Variants in RELN observed in about 807,000 individuals in gnomAD.
The protein encoded by RELN is reelin.
In RELN, 108 loss-of-function variants were observed where a neutral mutation model predicts 427.6. The observed-to-expected ratio is 0.25, with a 90% CI of 0.22 to 0.30. The LOEUF (loss-of-function observed/expected upper bound fraction) is 0.30, where lower values mean the gene tolerates loss of function less well. RELN is among the 10% of genes least tolerant of loss of function. The probability of loss-of-function intolerance (pLI) is 1.00; values close to 1 mark genes in which losing one functional copy is unlikely to be tolerated. For synonymous variants in RELN, 1,524 were observed against 1,513.4 expected, an observed-to-expected ratio of 1.01 and a Z score of -0.16; for missense variants, 3,715 against 4,302.8, an observed-to-expected ratio of 0.86 and a Z score of 3.82.
At position 103,573,531 on chromosome 7, in the gene RELN, C is replaced by T. The variant is rs1830930514; in HGVS notation, c.4511+561G>A. Among the ~76,000 whole-genome samples the T allele has an allele frequency of 6.6e-6, 1 of 152,200 alleles. No homozygotes were observed. The highest frequency in any genetic ancestry group is 1.5e-5 in the Non-Finnish European group (1 of 68,026). On this transcript the variant is annotated intron_variant, in intron 30 of 64. Transcript: ENST00000428762. This position sits in a 1 kb window ranked among gnomAD's most constrained non-coding sequence, Gnocchi z 4.4. ...GAGGTCTAAAAATTTTAAACATTTTCTCTATTTCCTTTCTTCCACTTCTCA... is the reference window on the plus strand; with the variant it reads ...GAGGTCTAAAAATTTTAAACATTTTTTCTATTTCCTTTCTTCCACTTCTCA...
At chr7:103,684,436 C>T (rs560823235) in intron 10 of RELN, among the ~76,000 whole-genome samples, 4 of 152,276 alleles carry the variant, frequency 2.6e-5, no homozygotes, top group African/African-American at 9.6e-5. Context: ...TGGGAATCCA[C>T]GGCTTCCTTG....
chr7:103,491,856 T>TCTCTCTCACACACA (rs57217576), intron 58 of RELN, 97 bp downstream of exon 58: 84 of 288,636 alleles, frequency 2.9e-4, no homozygotes, highest in African/African-American at 6.5e-4. Context: ...TCTCTCTCTC[T>TCTCTCTCACACACA]CACACACACA....
At position 103,522,073 on chromosome 7, in the gene RELN, C is replaced by T; in HGVS notation, c.7617G>A (p.Leu2539=). 6.2e-7 allele frequency: 1 copy of T among 1,614,148 alleles called. No homozygotes were observed. The highest frequency in any genetic ancestry group is 1.7e-5 in the Admixed American group (1 of 60,032). ...QNWLTVNGGK[L]STVCGAVASG... is the part of the protein sequence containing the mutation. ...ACGCCACGGCTCCACACACTGTACT[C>T]AATTTCCCTCCGTTCACAGTCAGCC... Residue 2539 remains leucine, a synonymous_variant, in exon 48 of 65, where the codon TTG becomes TTA. Coordinates refer to ENST00000428762, the MANE Select transcript of RELN (RefSeq NM_005045.4).
intron 3 of RELN, among the ~76,000 whole-genome samples, chr7:103,787,608 C>T (rs1792050898): frequency 6.6e-6 from 1 of 152,176 alleles, no homozygotes; most frequent in African/African-American, 2.4e-5. Context: ...TTCCTAGACA[C>T]ATACACACTC....
intron 2 of RELN, among the ~76,000 whole-genome samples, chr7:103,895,293 A>G (rs974799853): frequency 6.6e-6 from 1 of 151,924 alleles, no homozygotes; most frequent in African/African-American, 2.4e-5. Context: ...TTGACTTGTA[A>G]CAGGAAAAAA....
At position 103,489,875 on chromosome 7, in the gene RELN, C is replaced by T; in HGVS notation, c.9630G>A (p.Gln3210=). 6.2e-7 allele frequency: 1 copy of T among 1,614,206 alleles called. No individual in the cohort carries two copies. Among genetic ancestry groups the T allele is most frequent in the Non-Finnish European group, 8.5e-7 (1 of 1,180,044 alleles). Reference sequence around the variant, plus strand: ...TTTGCTTCTCAGTTTCTTCTCCCTTCTGGATCCAGCGGAACTGTGTTGCAC... The same window carrying T: ...TTTGCTTCTCAGTTTCTTCTCCCTTTTGGATCCAGCGGAACTGTGTTGCAC... The part of the protein sequence containing the change: ...SSSATQFRWI[Q]KGEETEKQSW... The change falls in exon 60 of 65, where the codon CAG becomes CAA. Residue 3210 remains glutamine, a synonymous_variant. Coordinates refer to ENST00000428762, the MANE Select transcript of RELN (RefSeq NM_005045.4).
intron 41 of RELN, among the ~76,000 whole-genome samples, chr7:103,547,485 T>G (rs528282986): frequency 6.6e-6 from 1 of 152,178 alleles, no homozygotes; most frequent in Admixed American, 6.5e-5. Flanking sequence ...TTAATAGAGA[T>G]AGGGTTTCAT....
At chr7:103,488,430 C>G (rs995105067) in intron 60 of RELN, among the ~76,000 whole-genome samples, 2 of 152,154 alleles carry the variant, frequency 1.3e-5, no homozygotes, top group Admixed American at 1.3e-4. Flanking sequence ...TTAAAATTCT[C>G]CAGCTAATAC....
At chr7:103,622,320 C>T (rs774362851) in intron 20 of RELN, among the ~76,000 whole-genome samples, 4 of 152,182 alleles carry the variant, frequency 2.6e-5, no homozygotes, top group Non-Finnish European at 5.9e-5. Flanking sequence ...ACTACATCCT[C>T]TAATATATAT....
chr7:103,805,287 TAA>T (rs1436284616), intron 3 of RELN, among the ~76,000 whole-genome samples: 1 of 152,124 alleles, frequency 6.6e-6, no homozygotes, highest in African/African-American at 2.4e-5. Flanking sequence ...TTGTAAACAG[TAA>T]AAGACAAAAT....
At chr7:103,762,207 G>C (rs1791319033) in intron 4 of RELN, among the ~76,000 whole-genome samples, 1 of 152,146 alleles carries the variant, frequency 6.6e-6, no homozygotes, top group African/African-American at 2.4e-5. Flanking sequence ...CCTCCCTGCT[G>C]TAGGAGGTGG....
At chr7:103,483,120 T>C in intron 62 of RELN, 149 bp from the exon 63 acceptor site, 1 of 708,542 alleles carries the variant, frequency 1.4e-6, no homozygotes, top group Non-Finnish European at 2.5e-6. Flanking sequence ...GTCATAGTAT[T>C]CTTCTGAGCA....
chr7:103,972,892 T>TTGTGTGTGTGTGTGTG (rs1266906272), intron 1 of RELN, among the ~76,000 whole-genome samples: 1 of 73,728 alleles, frequency 1.4e-5, no homozygotes, highest in East Asian at 3.4e-4. Flanking sequence ...GGGCATATGA[T>TTGTGTGTGTGTGTGTG]TATGTGTGTG....
chr7:103,717,588 G>A (rs572221160), intron 8 of RELN, among the ~76,000 whole-genome samples: 2 of 151,712 alleles, frequency 1.3e-5, no homozygotes, highest in Non-Finnish European at 2.9e-5. Context: ...AATAAAACAC[G>A]TATTTAACCT....
At chr7:103,924,071 A>G (rs73715903) in intron 1 of RELN, among the ~76,000 whole-genome samples, 18,609 of 152,052 alleles carry the variant, frequency 0.12, 2,356 homozygotes, top group African/African-American at 0.32. Context: ...ATGTTCCCCA[A>G]CCTGAACGGA....
At chr7:103,540,889 A>G (rs905609848) in intron 43 of RELN, among the ~76,000 whole-genome samples, 2 of 152,266 alleles carry the variant, frequency 1.3e-5, no homozygotes, top group African/African-American at 4.8e-5. Flanking sequence ...TGTATGCCAT[A>G]TAACTGGCAG....
At chr7:103,864,744 T>G (rs1794153806) in intron 2 of RELN, among the ~76,000 whole-genome samples, 1 of 150,820 alleles carries the variant, frequency 6.6e-6, no homozygotes, top group East Asian at 1.9e-4. Flanking sequence ...AGAAAAACAA[T>G]AGAAAAAAAC....
intron 18 of RELN, 146 bp downstream of exon 18, chr7:103,636,089 A>G (rs1469203420): frequency 1.0e-5 from 7 of 675,582 alleles, no homozygotes; most frequent in Non-Finnish European, 1.0e-5. Context: ...GGGCAAATTA[A>G]CTCTCAATAA....
intron 26 of RELN, 79 bp from the exon 27 acceptor site, chr7:103,593,961 T>C: frequency 1.9e-6 from 2 of 1,062,848 alleles, no homozygotes; most frequent in East Asian, 2.5e-5. Flanking sequence ...TTTCATGACA[T>C]GCTGGGCCAT....
Sources: gnomAD v4.1 joint callset for allele counts (sites outside exome capture counted in the v4.1 genomes callset) on GRCh38, gnomAD v4.1.1 for gene constraint, Gnocchi (gnomAD v3.1) non-coding constraint, MANE v1.5 for transcripts, NCBI Gene and HGNC (gene_info 2026-07-23, HGNC 2026-07-21) for gene names.